Variants in ASIC2 observed in about 807,000 individuals in gnomAD.
The protein encoded by ASIC2 is acid-sensing ion channel 2.
In ASIC2, 25 loss-of-function variants were observed where a neutral mutation model predicts 57.3. The ratio of observed to expected loss-of-function variants is 0.44; its 90% CI spans 0.32 to 0.61. The LOEUF is 0.61. Ranked by LOEUF, ASIC2 falls within the 20% of genes least tolerant of loss-of-function variation. ASIC2 has a pLI of 0.06. For synonymous variants in ASIC2, 319 were observed against 307.5 expected (o/e 1.04, Z -0.39); for missense variants, 641 against 738.1 (o/e 0.87, Z 1.52).
chr17:33,071,653 G>A (rs537314460), intron 3 of ASIC2, among the ~76,000 whole-genome samples: 1 of 152,198 alleles, frequency 6.6e-6, no homozygotes, highest in Non-Finnish European at 1.5e-5. Context: ...TTAACATGTT[G>A]GGTATTGAAT....
In ASIC2 at chr17:33,387,261, G is replaced by A. The variant is rs371608242; in HGVS notation, c.556-275194C>T. ...AGTACTCTTCTATCTCCATTTTATA[G>A]ATGAAGAAATTGAGGCTCAGAAAGA... On this transcript the variant is annotated intron_variant, in intron 1 of 9. Coordinates refer to the ASIC2 transcript ENST00000359872. 1.1e-4 allele frequency among the ~76,000 whole-genome samples: 17 copies of A among 152,314 alleles called. No individual in the cohort carries two copies. The East Asian group carries it at 1.5e-3, about 14-fold the overall frequency.
chr17:33,589,272 A>G (rs1239259403), intron 1 of ASIC2, among the ~76,000 whole-genome samples: 2 of 152,212 alleles, frequency 1.3e-5, no homozygotes, highest in African/African-American at 4.8e-5. Flanking sequence ...GGATGCTGAC[A>G]CTATCAGGCT....
At chr17:33,429,459 C>T (rs1222097786) in intron 1 of ASIC2, among the ~76,000 whole-genome samples, 5 of 151,940 alleles carry the variant, frequency 3.3e-5, no homozygotes, top group Non-Finnish European at 5.9e-5. Flanking sequence ...GGCGTGATCT[C>T]GGCTCACTGC....
chr17:34,051,674 T>C (rs1237197925), intron 1 of ASIC2: 1 of 152,148 alleles, frequency 6.6e-6, no homozygotes, highest in Non-Finnish European at 1.5e-5. Flanking sequence ...TCTTGTTAGA[T>C]TAATAAGTGA....
intron 3 of ASIC2, among the ~76,000 whole-genome samples, chr17:33,064,606 G>A (rs8066516): frequency 0.024 from 3,628 of 152,286 alleles, 139 homozygotes; most frequent in African/African-American, 0.074. Context: ...TGCCCCTACT[G>A]GGGGGTGCAT....
intron 1 of ASIC2, among the ~76,000 whole-genome samples, chr17:34,032,512 A>G (rs996513300): frequency 9.2e-5 from 14 of 152,228 alleles, no homozygotes; most frequent in Non-Finnish European, 1.9e-4. Context: ...ACACATAACA[A>G]TATTAACTTT....
At chr17:33,902,109 T>G (rs1052871655) in intron 1 of ASIC2, among the ~76,000 whole-genome samples, 1 of 152,008 alleles carries the variant, frequency 6.6e-6, no homozygotes. Context: ...AGAATCTGAG[T>G]TCTCAGGGGA....
chr17:33,121,599 C>CT (rs2092302349), intron 1 of ASIC2, among the ~76,000 whole-genome samples: 2 of 152,156 alleles, frequency 1.3e-5, no homozygotes, highest in Non-Finnish European at 2.9e-5. Context: ...GTCCATGCTT[C>CT]TGGCTACCTG....
At chr17:33,771,154 T>G (rs994170671) in intron 1 of ASIC2, among the ~76,000 whole-genome samples, 1 of 152,182 alleles carries the variant, frequency 6.6e-6, no homozygotes, top group African/African-American at 2.4e-5. Flanking sequence ...CAAGTATTTA[T>G]AATGGCAACA....
chr17:33,319,568 C>T (rs1906788394), intron 1 of ASIC2, among the ~76,000 whole-genome samples: 1 of 152,200 alleles, frequency 6.6e-6, no homozygotes, highest in African/African-American at 2.4e-5. Flanking sequence ...TATTTTGATA[C>T]AGCCATACAA....
intron 1 of ASIC2, among the ~76,000 whole-genome samples, chr17:33,232,147 A>C (rs767605198): frequency 1.4e-4 from 21 of 152,146 alleles, no homozygotes; most frequent in Non-Finnish European, 2.1e-4. Context: ...AGTTTAGGTC[A>C]GGTCATGCGG....
At chr17:33,170,929 C>T (rs1231411235) in intron 1 of ASIC2, among the ~76,000 whole-genome samples, 2 of 152,342 alleles carry the variant, frequency 1.3e-5, no homozygotes, top group East Asian at 3.9e-4. Context: ...CAACATATGG[C>T]ACCCCTTTCA....
At position 33,046,649 on chromosome 17, in the gene ASIC2, T is replaced by A. The variant is rs185901762; in HGVS notation, c.988-18257A>T. On this transcript the variant is annotated intron_variant, in intron 3 of 9. Coordinates refer to ENST00000225823, the MANE Select transcript of ASIC2 (RefSeq NM_183377.2). ...AGCCCTCCATAGCCTCAGAACAGAT[T>A]TGTTTTCAGCTGACCCAGCACCAAG... Among the ~76,000 whole-genome samples the A allele has an allele frequency of 6.6e-5, 10 of 152,206 alleles. No homozygotes were observed. In the East Asian group the frequency reaches 1.9e-3, roughly 29 times the overall value.
At chr17:34,141,875 G>C (rs1295109199) in intron 1 of ASIC2, among the ~76,000 whole-genome samples, 1 of 152,124 alleles carries the variant, frequency 6.6e-6, no homozygotes, top group Admixed American at 6.5e-5. Flanking sequence ...TCATTGCTCT[G>C]GGGGGAACAA....
intron 1 of ASIC2, among the ~76,000 whole-genome samples, chr17:33,138,458 A>G (rs2092374338): frequency 6.6e-6 from 1 of 152,240 alleles, no homozygotes; most frequent in African/African-American, 2.4e-5. Context: ...AGAGCAGGGC[A>G]TGAATCAGAA....
intron 1 of ASIC2, among the ~76,000 whole-genome samples, chr17:33,906,972 T>C (rs1915362674): frequency 6.6e-6 from 1 of 152,178 alleles, no homozygotes; most frequent in Non-Finnish European, 1.5e-5. Flanking sequence ...GGGCAGGGTC[T>C]CCTTTCAATC....
chr17:33,502,677 C>A (rs776203614), intron 1 of ASIC2, among the ~76,000 whole-genome samples: 1 of 152,202 alleles, frequency 6.6e-6, no homozygotes, highest in East Asian at 1.9e-4. Flanking sequence ...CCCAACCATG[C>A]CACCAAACAG....
intron 1 of ASIC2, among the ~76,000 whole-genome samples, chr17:33,618,230 GT>G (rs5820056): frequency 0.53 from 79,630 of 151,312 alleles, 21,680 homozygotes; most frequent in African/African-American, 0.66. Flanking sequence ...TTGTTTGTTT[GT>G]TTTTTTGAGA....
chr17:33,824,056 A>C (rs1912833215), intron 1 of ASIC2, among the ~76,000 whole-genome samples: 2 of 152,212 alleles, frequency 1.3e-5, no homozygotes, highest in Admixed American at 1.3e-4. Context: ...TGACTTAAAA[A>C]ACAGAGAAAA....
Sources: gnomAD v4.1 joint callset for allele counts (sites outside exome capture counted in the v4.1 genomes callset) on GRCh38, gnomAD v4.1.1 for gene constraint, MANE v1.5 for transcripts, NCBI Gene and HGNC (gene_info 2026-07-23, HGNC 2026-07-21) for gene names.